STPG2: variants seen among roughly 807,000 people sequenced by gnomAD.
STPG2 encodes sperm tail PG-rich repeat containing 2.
In STPG2, 56 loss-of-function variants were observed where a neutral mutation model predicts 54.2. The ratio of observed to expected loss-of-function variants is 1.03; its 90% CI spans 0.83 to 1.29. The LOEUF (loss-of-function observed/expected upper bound fraction) is 1.29. Among genes scored for constraint, STPG2 ranks in the 50% most tolerant of loss-of-function variants. STPG2 has a pLI of 0.00. For missense variants in STPG2, 596 were observed against 544.9 expected (o/e 1.09, Z -0.93); for synonymous variants, 200 against 181.8 (o/e 1.10, Z -0.81).
At chr4:97,904,617 G>A (rs1462019578) in intron 8 of STPG2, among the ~76,000 whole-genome samples, 1 of 152,212 alleles carries the variant, frequency 6.6e-6, no homozygotes, top group Non-Finnish European at 1.5e-5. Flanking sequence ...GAATGACTTT[G>A]ACGAGCTGAT....
intron 5 of STPG2, among the ~76,000 whole-genome samples, chr4:98,095,342 A>G (rs1483900604): frequency 6.6e-6 from 1 of 152,236 alleles, no homozygotes; most frequent in Non-Finnish European, 1.5e-5. Context: ...CATTGAATGT[A>G]AATGGACTAA....
In STPG2 at chr4:97,967,185, C is replaced by CAAA. The variant is rs58042990; in HGVS notation, c.933+5092_933+5094dup. Among the ~76,000 whole-genome samples, 274 of 107,156 alleles carry CAAA rather than the reference C, an allele frequency of 2.6e-3. 6 individuals are homozygous for CAAA. Among genetic ancestry groups the CAAA allele is most frequent in the Admixed American group, 5.9e-3 (57 of 9,684 alleles). The allele number at this position is 107,156 out of a possible 152,430, so 70.3% of individuals were successfully genotyped here. A position where few individuals can be genotyped will look rare whatever the true frequency, so the allele number is the denominator to read the frequency against. On this transcript the variant is annotated intron_variant, in intron 7 of 10. Coordinates refer to ENST00000295268, the MANE Select transcript of STPG2 (RefSeq NM_174952.3). The stretch of plus-strand genomic sequence containing the variant: ...GAAGATTTACCAAGCAAATGGTAAG[C>CAAA]AAAAAAAAAAAAAAAAAAGCAGTGA...
intron 4 of STPG2, among the ~76,000 whole-genome samples, chr4:97,541,852 C>T (rs1458797461): frequency 6.6e-6 from 1 of 152,074 alleles, no homozygotes; most frequent in Non-Finnish European, 1.5e-5. Context: ...ACAAATCTGA[C>T]AAAAACAAGA....
intron 10 of STPG2, among the ~76,000 whole-genome samples, chr4:97,690,509 A>G (rs1723330859): frequency 6.6e-6 from 1 of 152,070 alleles, no homozygotes; most frequent in Admixed American, 6.6e-5. Context: ...CTGATGTATA[A>G]TGATTATACA....
chr4:97,810,333 G>A (rs1356798294), intron 9 of STPG2, among the ~76,000 whole-genome samples: 3 of 151,916 alleles, frequency 2.0e-5, no homozygotes, highest in Non-Finnish European at 2.9e-5. Flanking sequence ...GAGTGGTGGT[G>A]TGTGCCTGTA....
chr4:97,963,377 C>T (rs1733964273), intron 7 of STPG2, among the ~76,000 whole-genome samples: 1 of 152,080 alleles, frequency 6.6e-6, no homozygotes, highest in South Asian at 2.1e-4. Context: ...AAAATATATA[C>T]TGGGCGTGGT....
In STPG2 at chr4:97,671,799, CT is replaced by C. The variant is rs746927608; in HGVS notation, c.1320+40899del. On this transcript the variant is annotated intron_variant, in intron 10 of 10. Coordinates refer to ENST00000295268, the MANE Select transcript of STPG2 (RefSeq NM_174952.3). The stretch of plus-strand genomic sequence containing the variant: ...AAGTGGGCATGGTAACAACATCCAT[CT>C]CTTAGGATTGTTATGAGGAGAACCT... 3.9e-5 allele frequency among the ~76,000 whole-genome samples: 6 copies of C among 152,208 alleles called. No homozygotes were observed. In the Middle Eastern group the frequency reaches 0.017, roughly 431 times the overall value.
chr4:97,450,316 T>C (rs2148797366), intron 4 of STPG2, among the ~76,000 whole-genome samples: 1 of 152,288 alleles, frequency 6.6e-6, no homozygotes, highest in Non-Finnish European at 1.5e-5. Context: ...GCCTACTATA[T>C]ATCAGGCACT....
chr4:97,559,860 C>T (rs1732178951), intron 10 of STPG2, among the ~76,000 whole-genome samples: 1 of 152,142 alleles, frequency 6.6e-6, no homozygotes, highest in Non-Finnish European at 1.5e-5. Context: ...TACTCAATAA[C>T]AAATATTTAA....
chr4:98,039,513 C>A (rs1210835293), intron 5 of STPG2, among the ~76,000 whole-genome samples: 1 of 149,640 alleles, frequency 6.7e-6, no homozygotes, highest in Admixed American at 6.7e-5. Context: ...TACCATATTT[C>A]TTTTGTGTAA....
intron 5 of STPG2, chr4:98,025,474 C>A: frequency 3.8e-6 from 2 of 525,716 alleles, no homozygotes; most frequent in Non-Finnish European, 7.2e-6. Flanking sequence ...AAACTGAATA[C>A]CATGCTTGGA....
intron 9 of STPG2, among the ~76,000 whole-genome samples, chr4:97,800,783 G>T (rs921764988): frequency 6.6e-6 from 1 of 152,170 alleles, no homozygotes; most frequent in African/African-American, 2.4e-5. Context: ...CCCAGAGTTG[G>T]AGTCTACAGA....
At chr4:97,861,496 TATACCC>T (rs760937516) in intron 8 of STPG2, among the ~76,000 whole-genome samples, 4 of 152,222 alleles carry the variant, frequency 2.6e-5, no homozygotes, top group African/African-American at 4.8e-5. Flanking sequence ...CTGCTAGGTG[TATACCC>T]ATGTAACCAA....
chr4:98,141,308 T>C (rs1740275085), intron 1 of STPG2, among the ~76,000 whole-genome samples: 1 of 152,200 alleles, frequency 6.6e-6, no homozygotes, highest in South Asian at 2.1e-4. Flanking sequence ...CTATAGAGAA[T>C]ACCCTTTCCC....
intron 10 of STPG2, among the ~76,000 whole-genome samples, chr4:97,683,832 G>T (rs1723106930): frequency 6.6e-6 from 1 of 151,736 alleles, no homozygotes; most frequent in South Asian, 2.1e-4. Flanking sequence ...AATTTTCTTT[G>T]TTGGAAAATT....
chr4:97,841,616 T>C (rs763424811), intron 8 of STPG2, among the ~76,000 whole-genome samples: 18 of 151,832 alleles, frequency 1.2e-4, no homozygotes, highest in Non-Finnish European at 2.2e-4. Context: ...TTGAAATCTA[T>C]TCACCTAGAT....
intron 9 of STPG2, among the ~76,000 whole-genome samples, chr4:97,740,425 C>T (rs1319934209): frequency 4.6e-5 from 7 of 151,976 alleles, no homozygotes; most frequent in African/African-American, 1.7e-4. Flanking sequence ...TCAAATTGTC[C>T]CTGTTTGCAG....
chr4:98,093,935 G>C (rs1356544194), intron 5 of STPG2, among the ~76,000 whole-genome samples: 5 of 152,202 alleles, frequency 3.3e-5, no homozygotes, highest in African/African-American at 1.2e-4. Flanking sequence ...GTTACACGGA[G>C]TGAAGTGCTC....
intron 10 of STPG2, among the ~76,000 whole-genome samples, chr4:97,648,093 G>T (rs757915782): frequency 6.6e-6 from 1 of 152,138 alleles, no homozygotes; most frequent in Non-Finnish European, 1.5e-5. Flanking sequence ...TTAGTTGCTG[G>T]CGTGGTCTGA....
Sources: gnomAD v4.1 joint callset for allele counts (sites outside exome capture counted in the v4.1 genomes callset) on GRCh38, gnomAD v4.1.1 for gene constraint, MANE v1.5 for transcripts, NCBI Gene and HGNC (gene_info 2026-07-23, HGNC 2026-07-21) for gene names.